SHROOM3: variants seen among roughly 807,000 people sequenced by gnomAD.
SHROOM3 encodes the protein shroom family member 3.
Under a neutral mutation model 138.6 loss-of-function variants are expected in SHROOM3, and 47 were observed. The ratio of observed to expected loss-of-function variants is 0.34; its 90% CI spans 0.27 to 0.43. The LOEUF is 0.43. Among genes scored for constraint, SHROOM3 ranks in the 20% least tolerant of loss-of-function variants. SHROOM3 has a pLI of 1.00. For synonymous variants in SHROOM3, 1,062 were observed against 1,063.3 expected (o/e 1.00, Z 0.02); for missense variants, 2,491 against 2,596.5 (o/e 0.96, Z 0.88).
intron 1 of SHROOM3, among the ~76,000 whole-genome samples, chr4:76,543,388 C>T (rs541158181): frequency 4.6e-5 from 7 of 152,178 alleles, no homozygotes; most frequent in East Asian, 3.9e-4. Flanking sequence ...TGGAGGTATA[C>T]GAGCGTGTGG....
At chr4:76,489,573 C>T (rs1331443238) in intron 1 of SHROOM3, among the ~76,000 whole-genome samples, 2 of 152,148 alleles carry the variant, frequency 1.3e-5, no homozygotes, top group African/African-American at 4.8e-5. Flanking sequence ...CTTCTGGAAG[C>T]ATAATGTGCT....
At chr4:76,723,397 A>G (rs1251129233) in intron 3 of SHROOM3, among the ~76,000 whole-genome samples, 3 of 152,088 alleles carry the variant, frequency 2.0e-5, no homozygotes, top group South Asian at 2.1e-4. Context: ...GGAGCTATAT[A>G]TTCTTCTCCT....
rs571098771 is a variant in SHROOM3, at chr4:76,730,240, T to G, written c.456-564T>G. ...CAAAATGAGAAATTTCAGAGGGCATTTTGTTCTCTAGACCATGTAGCTTAG... is the reference window on the plus strand; with the variant it reads ...CAAAATGAGAAATTTCAGAGGGCATGTTGTTCTCTAGACCATGTAGCTTAG... On this transcript the variant is annotated intron_variant, in intron 3 of 10. Coordinates refer to ENST00000296043, the MANE Select transcript of SHROOM3 (RefSeq NM_020859.4). Among the ~76,000 whole-genome samples, 7 of 152,354 alleles carry G rather than the reference T, an allele frequency of 4.6e-5. No individual in the cohort carries two copies. In the East Asian group the frequency reaches 1.3e-3, roughly 29 times the overall value.
At chr4:76,529,978 G>A (rs1478135386) in intron 1 of SHROOM3, among the ~76,000 whole-genome samples, 3 of 152,150 alleles carry the variant, frequency 2.0e-5, no homozygotes, top group Middle Eastern at 3.2e-3. Context: ...TGAATAGCAT[G>A]GTATGTTCAA....
intron 1 of SHROOM3, among the ~76,000 whole-genome samples, chr4:76,527,574 G>A (rs1008882928): frequency 8.5e-5 from 13 of 152,160 alleles, no homozygotes; most frequent in African/African-American, 3.1e-4. Context: ...TTTCAGGAGT[G>A]CTTTTTGTTG....
intron 3 of SHROOM3, among the ~76,000 whole-genome samples, chr4:76,725,312 TACTTTCTAAAGC>T (rs1381822642): frequency 6.6e-6 from 1 of 152,218 alleles, no homozygotes; most frequent in Non-Finnish European, 1.5e-5. Flanking sequence ...GTATTGGACC[TACTTTCTAAAGC>T]ACTTATTTTA....
intron 2 of SHROOM3, among the ~76,000 whole-genome samples, chr4:76,602,131 G>T (rs994562046): frequency 3.9e-5 from 6 of 152,186 alleles, no homozygotes; most frequent in African/African-American, 7.2e-5. Context: ...CCATCCAGGA[G>T]CAATTACAGA....
intron 5 of SHROOM3, 123 bp from the exon 6 acceptor site, chr4:76,748,894 C>A (rs1010837811): frequency 3.9e-6 from 3 of 774,656 alleles, no homozygotes; most frequent in Admixed American, 3.5e-5. Flanking sequence ...AGTGCCACCA[C>A]GTGGCCTGAC....
At chr4:76,518,658 C>T (rs1031286016) in intron 1 of SHROOM3, among the ~76,000 whole-genome samples, 1 of 152,060 alleles carries the variant, frequency 6.6e-6, no homozygotes, top group African/African-American at 2.4e-5. Flanking sequence ...TGGTAGGGTT[C>T]TACGGAGCTT....
At chr4:76,560,206 T>G (rs1438756991) in intron 2 of SHROOM3, among the ~76,000 whole-genome samples, 1 of 152,116 alleles carries the variant, frequency 6.6e-6, no homozygotes, top group Non-Finnish European at 1.5e-5. Flanking sequence ...AGGGATCGGG[T>G]AACCTTTAAA....
intron 2 of SHROOM3, among the ~76,000 whole-genome samples, chr4:76,580,435 T>C (rs1053278910): frequency 2.0e-5 from 3 of 149,724 alleles, no homozygotes; most frequent in African/African-American, 7.3e-5. Flanking sequence ...TTTTGTGACC[T>C]TGGGCAAGTT....
intron 1 of SHROOM3, among the ~76,000 whole-genome samples, chr4:76,442,835 C>G (rs944876138): frequency 1.3e-5 from 2 of 151,856 alleles, no homozygotes; most frequent in East Asian, 3.9e-4. Context: ...TCCTCCTTTT[C>G]TTTTTATTAT....
At chr4:76,722,803 G>A (rs559347529) in intron 3 of SHROOM3, among the ~76,000 whole-genome samples, 1 of 151,744 alleles carries the variant, frequency 6.6e-6, no homozygotes, top group Non-Finnish European at 1.5e-5. Flanking sequence ...TTCTTTTTTG[G>A]GGGATATGGG....
At chr4:76,760,801 G>T (rs1560619185) in intron 9 of SHROOM3, among the ~76,000 whole-genome samples, 1 of 152,098 alleles carries the variant, frequency 6.6e-6, no homozygotes, top group African/African-American at 2.4e-5. Context: ...TTCATTTAAC[G>T]GGTCCCCTGA....
At chr4:76,658,041 A>T (rs949187246) in intron 2 of SHROOM3, among the ~76,000 whole-genome samples, 2 of 152,226 alleles carry the variant, frequency 1.3e-5, no homozygotes, top group African/African-American at 2.4e-5. Context: ...CACATTGATA[A>T]AATGAAGTCG....
intron 1 of SHROOM3, among the ~76,000 whole-genome samples, chr4:76,539,616 G>A (rs973117539): frequency 2.0e-5 from 3 of 152,000 alleles, no homozygotes; most frequent in Non-Finnish European, 2.9e-5. Flanking sequence ...CTTAATCCTC[G>A]CAGCAATTCT....
intron 2 of SHROOM3, among the ~76,000 whole-genome samples, chr4:76,591,231 C>A (rs1305903762): frequency 6.6e-6 from 1 of 152,184 alleles, no homozygotes; most frequent in Non-Finnish European, 1.5e-5. Flanking sequence ...GGAAGGCACA[C>A]GGCCTGTCAG....
Position 76,779,021 on chromosome 4 carries a change from C to T in SHROOM3, c.5835C>T (p.Gly1945=). Residue 1945 remains glycine (G), a synonymous_variant, in exon 11 of 11, where the codon GGC becomes GGT. Coordinates refer to ENST00000296043, the MANE Select transcript of SHROOM3 (RefSeq NM_020859.4). ...AGCTGGATGACAAGATCAAGCTGGG[C>T]CAGGAGCAGGTCAAGTGTCTGCTGG... ...QRKLDDKIKL[G]QEQVKCLLES... is the part of the protein sequence containing the mutation. 4 of 1,614,222 alleles carry T rather than the reference C, an allele frequency of 2.5e-6. No homozygotes were observed. Among genetic ancestry groups the T allele is most frequent in the Non-Finnish European group, 3.4e-6 (4 of 1,180,036 alleles).
chr4:76,695,339 T>G (rs1293042566), intron 2 of SHROOM3, among the ~76,000 whole-genome samples: 1 of 152,212 alleles, frequency 6.6e-6, no homozygotes, highest in Non-Finnish European at 1.5e-5. Context: ...CATGGCTGCC[T>G]ATTAGAATTT....
Sources: gnomAD v4.1 joint callset for allele counts (sites outside exome capture counted in the v4.1 genomes callset) on GRCh38, gnomAD v4.1.1 for gene constraint, MANE v1.5 for transcripts, NCBI Gene and HGNC (gene_info 2026-07-23, HGNC 2026-07-21) for gene names.